Variants in VPS13A observed in about 807,000 individuals in gnomAD.
VPS13A encodes the protein intermembrane lipid transfer protein VPS13A.
A neutral mutation model predicts 390.9 loss-of-function variants in VPS13A; 264 were observed. That is an observed-to-expected ratio of 0.68 (90% confidence interval 0.61 to 0.75). The LOEUF (loss-of-function observed/expected upper bound fraction) is 0.75, where lower values mean the gene tolerates loss of function less well. Ranked by LOEUF, VPS13A falls within the 30% of genes least tolerant of loss-of-function variation. VPS13A has a pLI of 0.00. For missense variants in VPS13A, 3,409 were observed against 3,733.9 expected (o/e 0.91, Z 2.27); for synonymous variants, 1,231 against 1,227.1 (o/e 1.00, Z -0.07).
At chr9:77,201,663 C>T (rs1213426956) in intron 3 of VPS13A, among the ~76,000 whole-genome samples, 1 of 152,086 alleles carries the variant, frequency 6.6e-6, no homozygotes, top group Non-Finnish European at 1.5e-5. Flanking sequence ...AAAGGATTAC[C>T]TCTAAGGGAG....
At chr9:77,403,382 G>A in intron 69 of VPS13A, 61 bp downstream of exon 69, 1 of 1,349,962 alleles carries the variant, frequency 7.4e-7, no homozygotes, top group Non-Finnish European at 1.1e-6. Flanking sequence ...CGACTCATGA[G>A]GTGAAGATTT....
At chr9:77,212,823 G>A in intron 7 of VPS13A, 146 bp from the exon 8 acceptor site, 1 of 838,366 alleles carries the variant, frequency 1.2e-6, no homozygotes. Context: ...ACTGTGGTCA[G>A]TTAGTATTTT....
intron 59 of VPS13A, among the ~76,000 whole-genome samples, chr9:77,361,315 C>T (rs1227466100): frequency 6.6e-6 from 1 of 152,086 alleles, no homozygotes; most frequent in Non-Finnish European, 1.5e-5. Flanking sequence ...CTGAATATTT[C>T]ATACAAATAG....
chr9:77,413,479 A>C (rs1414346460), intron 71 of VPS13A, among the ~76,000 whole-genome samples: 1 of 152,230 alleles, frequency 6.6e-6, no homozygotes, highest in African/African-American at 2.4e-5. Flanking sequence ...TGACAAAAAC[A>C]AGAAATGGGG....
At chr9:77,185,613 CT>C (rs1204752429) in intron 1 of VPS13A, among the ~76,000 whole-genome samples, 2 of 152,100 alleles carry the variant, frequency 1.3e-5, no homozygotes, top group East Asian at 3.9e-4. Flanking sequence ...TTGACAGTGT[CT>C]TATCATATTT....
intron 64 of VPS13A, 23 bp downstream of exon 64, chr9:77,370,355 A>G: frequency 6.2e-7 from 1 of 1,614,174 alleles, no homozygotes; most frequent in Non-Finnish European, 8.5e-7. Flanking sequence ...ATATCTACCA[A>G]GTATTTTTGT....
chr9:77,231,422 A>G (rs1462561145), intron 17 of VPS13A, among the ~76,000 whole-genome samples: 1 of 152,094 alleles, frequency 6.6e-6, no homozygotes, highest in Non-Finnish European at 1.5e-5. Context: ...TTTTTTCCAT[A>G]TCATTCCCAA....
chr9:77,312,931 C>T (rs1829176489), intron 35 of VPS13A, among the ~76,000 whole-genome samples: 1 of 152,116 alleles, frequency 6.6e-6, no homozygotes, highest in African/African-American at 2.4e-5. Flanking sequence ...GGTATCTACT[C>T]CCACCCCACC....
chr9:77,305,371 A>G (rs1587539941), intron 34 of VPS13A, among the ~76,000 whole-genome samples: 2 of 152,254 alleles, frequency 1.3e-5, no homozygotes, highest in Admixed American at 1.3e-4. Context: ...TTTTTAAGAT[A>G]AATATTTGAA....
At chr9:77,307,579 T>A (rs1313461630) in intron 34 of VPS13A, among the ~76,000 whole-genome samples, 1 of 152,208 alleles carries the variant, frequency 6.6e-6, no homozygotes, top group Non-Finnish European at 1.5e-5. Context: ...ACCAAATGTA[T>A]CATTTTTTAT....
At chr9:77,354,631 T>C (rs924646832) in intron 54 of VPS13A, among the ~76,000 whole-genome samples, 3 of 152,130 alleles carry the variant, frequency 2.0e-5, no homozygotes, top group African/African-American at 7.2e-5. Flanking sequence ...CATATGAAAG[T>C]GAGAAAGCAG....
Position 77,357,751 on chromosome 9 carries a change from A to T in VPS13A, c.7866A>T (p.Leu2622=). The T allele has an allele frequency of 6.2e-7, 1 of 1,613,992 alleles. No individual in the cohort carries two copies. Among genetic ancestry groups the T allele is most frequent in the Non-Finnish European group, 8.5e-7 (1 of 1,179,970 alleles). ...TTCTGCAGCCGCATGTAATAGCTCTACGAAGAAATTATCTTCCAGCATTAA... is the reference window on the plus strand; with the variant it reads ...TTCTGCAGCCGCATGTAATAGCTCTTCGAAGAAATTATCTTCCAGCATTAA... ...MKILQPHVIA[L]RRNYLPALKV... is the part of the protein sequence containing the mutation. The change falls in exon 56 of 72, where the codon CTA becomes CTT. Residue 2622 remains leucine (L), a synonymous_variant. Transcript: ENST00000360280.
intron 34 of VPS13A, among the ~76,000 whole-genome samples, chr9:77,304,883 C>G (rs1178688432): frequency 6.6e-6 from 1 of 151,764 alleles, no homozygotes; most frequent in Non-Finnish European, 1.5e-5. Context: ...CTATTTCTTT[C>G]TGTAAAAATT....
intron 68 of VPS13A, among the ~76,000 whole-genome samples, chr9:77,397,321 AT>A (rs556217298): frequency 4.0e-5 from 6 of 150,566 alleles, no homozygotes; most frequent in African/African-American, 9.8e-5. Context: ...CATTTTTGCT[AT>A]TTTTTTTTAA....
chr9:77,400,190 T>TAA (rs1430504974), intron 68 of VPS13A, among the ~76,000 whole-genome samples: 1 of 151,608 alleles, frequency 6.6e-6, no homozygotes, highest in Non-Finnish European at 1.5e-5. Flanking sequence ...AATTTTGAGT[T>TAA]ATAGTGAATA....
chr9:77,364,320 G>A (rs1832318062), intron 59 of VPS13A, among the ~76,000 whole-genome samples: 1 of 152,238 alleles, frequency 6.6e-6, no homozygotes. Context: ...AGCTACTCAG[G>A]AGGCTGAGGC....
At chr9:77,270,554 G>A (rs1033443940) in intron 23 of VPS13A, among the ~76,000 whole-genome samples, 2 of 152,144 alleles carry the variant, frequency 1.3e-5, no homozygotes, top group South Asian at 2.1e-4. Context: ...AGCTGGGTGT[G>A]GTGGTGCACA....
intron 19 of VPS13A, among the ~76,000 whole-genome samples, chr9:77,242,738 T>G (rs964583961): frequency 1.3e-5 from 2 of 151,868 alleles, no homozygotes; most frequent in African/African-American, 4.8e-5. Flanking sequence ...ATTTTGAGAT[T>G]TTTTATCTCT....
Position 77,339,828 on chromosome 9 carries a change from G to A in VPS13A, c.6691G>A (p.Gly2231Arg), listed in dbSNP as rs574905172. ...CCGCATGTTACAGTACAAAGCAGAC[G>A]GAATTCATCGAAAGCATCCACCTAA... Reference protein sequence around the residue: ...TGRMLQYKADGIHRKHPPNYK... With the variant: ...TGRMLQYKADRIHRKHPPNYK... Residue 2231 changes from glycine (G) to arginine (R), a missense_variant, in exon 48 of 72, where the codon GGA (glycine) becomes AGA (arginine). Gly to Arg is a moderately radical substitution (Grantham distance 125, BLOSUM62 -2). Coordinates refer to ENST00000360280, the MANE Select transcript of VPS13A (RefSeq NM_033305.3). 27 of 1,613,884 alleles carry A rather than the reference G, an allele frequency of 1.7e-5. No homozygotes were observed. Among genetic ancestry groups the A allele is most frequent in the Middle Eastern group, 1.6e-4 (1 of 6,062 alleles).
Sources: allele counts gnomAD v4.1 joint callset (sites outside exome capture counted in the v4.1 genomes callset), GRCh38; gene constraint gnomAD v4.1.1; transcripts MANE v1.5; gene names NCBI Gene and HGNC (gene_info 2026-07-23, HGNC 2026-07-21).